The following BTG1 variants were observed in gnomAD, a reference collection of about 807,000 sequenced individuals.
BTG1 encodes BTG anti-proliferation factor 1, also known as protein BTG1.
BTG1 carries 2 observed loss-of-function variants against 15.2 expected under a neutral mutation model. The observed-to-expected ratio is 0.13, with a 90% CI of 0.05 to 0.41. The LOEUF is 0.41. Among genes scored for constraint, BTG1 ranks in the 10% least tolerant of loss-of-function variants. The probability of loss-of-function intolerance (pLI) is 0.99; values close to 1 mark genes in which losing one functional copy is unlikely to be tolerated. For missense variants in BTG1, 149 were observed against 215.0 expected (o/e 0.69, Z 1.92); for synonymous variants, 109 against 82.4 (o/e 1.32, Z -1.75).
rs374718903 is a variant in BTG1 at position 92,144,050 on chromosome 12, T to A, written c.*30A>T. On this transcript the variant is annotated 3_prime_UTR_variant, in exon 2 of 2. Transcript: ENST00000256015. ...AAGCAAAAATCAAATTTATCCATCA[T>A]CATCAGATGATCCATCCACAGACTA... 76 of 1,602,638 alleles carry A rather than the reference T, an allele frequency of 4.7e-5. No homozygotes were observed. The highest frequency in any genetic ancestry group is 6.0e-5 in the Non-Finnish European group (71 of 1,177,750).
Position 92,142,237 on chromosome 12 carries a change from A to C in BTG1, c.*1843T>G, listed in dbSNP as rs1341832485. 4.3e-6 allele frequency: 1 copy of C among 231,560 alleles called. No individual in the cohort carries two copies. The highest frequency in any genetic ancestry group is 6.1e-5 in the East Asian group (1 of 16,280). The allele number at this position is 231,560 out of a possible 1,614,324, so 14.3% of individuals were successfully genotyped here. ...GTTGTCTACAAAATCAGAATAATTT[A>C]TTCCTGGGTGTAGAAATAACTTCTT... On this transcript the variant is annotated 3_prime_UTR_variant, in exon 2 of 2. Coordinates refer to ENST00000256015, the MANE Select transcript of BTG1 (RefSeq NM_001731.3).
Position 92,140,997 on chromosome 12 carries a change from G to A in BTG1, c.*3083C>T, listed in dbSNP as rs1423695518. ...TATCATACCTCTCTTCTGTAAAGAG[G>A]AAGAAGAGAGAGTATCAGAAATGTT... is the stretch of plus-strand genomic sequence containing the variant. On this transcript the variant is annotated 3_prime_UTR_variant, in exon 2 of 2. Coordinates refer to ENST00000256015, the MANE Select transcript of BTG1 (RefSeq NM_001731.3). 4.3e-6 allele frequency: 1 copy of A among 232,672 alleles called. No homozygotes were observed. Among genetic ancestry groups the A allele is most frequent in the Non-Finnish European group, 8.5e-6 (1 of 117,776 alleles). The allele number at this position is 232,672 out of a possible 1,614,324, so 14.4% of individuals were successfully genotyped here. A position where few individuals can be genotyped will look rare whatever the true frequency, so the allele number is the denominator to read the frequency against.
At position 92,144,066 on chromosome 12, in the gene BTG1, CCA is replaced by C; in HGVS notation, c.*12_*13del. The C allele has an allele frequency of 1.2e-6, 2 of 1,609,714 alleles. No homozygotes were observed. The highest frequency in any genetic ancestry group is 1.7e-6 in the Non-Finnish European group (2 of 1,179,474). ...TATCCATCATCATCAGATGATCCAT[CCA>C]CAGACTATATCTTAACCTGATACAG... On this transcript the variant is annotated 3_prime_UTR_variant, in exon 2 of 2. Coordinates refer to ENST00000256015, the MANE Select transcript of BTG1 (RefSeq NM_001731.3).
At chr12:92,144,564 A>T in intron 1 of BTG1, 117 bp from the exon 2 acceptor site, 1 of 1,370,682 alleles carries the variant, frequency 7.3e-7, no homozygotes, top group Non-Finnish European at 1.0e-6. Context: ...ACTTTTTAAA[A>T]TGTCCAGGAT....
rs1870262017 is a variant in BTG1 at position 92,141,971 on chromosome 12, T to A, written c.*2109A>T. On this transcript the variant is annotated 3_prime_UTR_variant, in exon 2 of 2. Transcript: ENST00000256015. ...ATGAAATGTAGTTGGTAAACAACAGTAGTCAGCACTGGGGTGAGACCCATT... is the reference window on the plus strand; with the variant it reads ...ATGAAATGTAGTTGGTAAACAACAGAAGTCAGCACTGGGGTGAGACCCATT... 1 of 231,978 alleles carries A rather than the reference T, an allele frequency of 4.3e-6. No homozygotes were observed. The highest frequency in any genetic ancestry group is 8.5e-6 in the Non-Finnish European group (1 of 117,326). The allele number at this position is 231,978 out of a possible 1,614,324, so 14.4% of individuals were successfully genotyped here.
chr12:92,145,236 T>C (rs1469801420), intron 1 of BTG1, 152 bp downstream of exon 1: 4 of 1,203,312 alleles, frequency 3.3e-6, no homozygotes, highest in Non-Finnish European at 4.3e-6. Context: ...GAACCGCTGT[T>C]AGCGGCCACC....
In BTG1 at chr12:92,143,156, TAGAG is replaced by T. The variant is rs529355526; in HGVS notation, c.*920_*923del. ...TGCCAAGATAAGAAACGATTTATTA[TAGAG>T]AGAAGAAAAATTTCTCATCCAAAAT... On this transcript the variant is annotated 3_prime_UTR_variant, in exon 2 of 2. Transcript: ENST00000256015. 2.1e-5 allele frequency: 5 copies of T among 232,754 alleles called. No homozygotes were observed. The highest frequency in any genetic ancestry group is 6.1e-5 in the East Asian group (1 of 16,380). 14.4% of individuals were successfully genotyped at this position (232,754 alleles called of 1,614,324 possible).
Position 92,145,488 on chromosome 12 carries a change from G to C in BTG1, c.48C>G (p.Ala16=), listed in dbSNP as rs779919245. ...TRAATMIGEI[A]AAVSFISKFL... is the part of the protein sequence containing the mutation. The stretch of plus-strand genomic sequence containing the variant: ...ACTTGGAGATGAAGGACACGGCGGC[G>C]GCGATCTCGCCTATCATGGTGGCGG... Residue 16 remains alanine, a synonymous_variant, in exon 1 of 2, where the codon GCC becomes GCG. Coordinates refer to ENST00000256015, the MANE Select transcript of BTG1 (RefSeq NM_001731.3). 1.3e-6 allele frequency: 2 copies of C among 1,587,518 alleles called. No homozygotes were observed. Among genetic ancestry groups the C allele is most frequent in the Admixed American group, 1.7e-5 (1 of 57,570 alleles).
rs2136950178 is a variant in BTG1, at chr12:92,145,556, GC to G, written c.-22del. 1.4e-6 allele frequency: 2 copies of G among 1,392,848 alleles called. No individual in the cohort carries two copies. The highest frequency in any genetic ancestry group is 5.7e-5 in the East Asian group (2 of 35,358). The allele number at this position is 1,392,848 out of a possible 1,614,324, so 86.3% of individuals were successfully genotyped here. A position where few individuals can be genotyped will look rare whatever the true frequency, so the allele number is the denominator to read the frequency against. On this transcript the variant is annotated 5_prime_UTR_variant, in exon 1 of 2. Transcript: ENST00000256015. ...TGCATGGGGGCGGCGTGCGGGGGCG[GC>G]CCGGGGCGGCTGGGGCTCGGCGGCG...
rs1360378328 is a variant in BTG1 at position 92,144,145 on chromosome 12, C to T, written c.451G>A (p.Glu151Lys). ...CTCGTTCTGCCCAAGAGAAGTTCCT[C>T]CTTACAGCTGATTCGGCTGTCTACC... ...QMVDSRISCK[E>K]ELLLGRTSPS... Residue 151 changes from glutamate to lysine, a missense_variant, in exon 2 of 2, where the codon GAG (glutamate) becomes AAG (lysine). Glu to Lys is a moderately conservative substitution (Grantham distance 56). This residue lies in a region of BTG1 where 52 missense variants were observed against 57.4 expected (regional missense o/e 0.91). Coordinates refer to ENST00000256015, the MANE Select transcript of BTG1 (RefSeq NM_001731.3). 2 of 1,614,010 alleles carry T rather than the reference C, an allele frequency of 1.2e-6. No homozygotes were observed. Among genetic ancestry groups the T allele is most frequent in the South Asian group, 2.2e-5 (2 of 91,082 alleles).
chr12:92,145,137 T>G, intron 1 of BTG1: 1 of 398,844 alleles, frequency 2.5e-6, no homozygotes, highest in Non-Finnish European at 4.1e-6. Context: ...GGGCTTAAGT[T>G]TCTTTGTTGT....
rs371857371 is a variant in BTG1, at chr12:92,144,242, A to G, written c.354T>C (p.Asp118=). The G allele has an allele frequency of 8.7e-6, 14 of 1,614,086 alleles. No individual in the cohort carries two copies. Among genetic ancestry groups the G allele is most frequent in the South Asian group, 2.2e-5 (2 of 91,092 alleles). ...CTTCATACAGCACACAGATGGAGCCATCCTCTCCAATTCTGTAGGACACTT... is the reference window on the plus strand; with the variant it reads ...CTTCATACAGCACACAGATGGAGCCGTCCTCTCCAATTCTGTAGGACACTT... ...PYEVSYRIGE[D]GSICVLYEAS... is the part of the protein sequence containing the mutation. Residue 118 remains aspartate (D), a synonymous_variant, in exon 2 of 2, where the codon GAT becomes GAC. Coordinates refer to ENST00000256015, the MANE Select transcript of BTG1 (RefSeq NM_001731.3).
chr12:92,143,681 G>A lies in BTG1; in HGVS notation c.*399C>T, dbSNP rs1870397161. On this transcript the variant is annotated 3_prime_UTR_variant, in exon 2 of 2. Transcript: ENST00000256015. ...CTTTCCTATTAAAAGCTGCCGAAAAGGTTAACAATAACAACTTTCAAGTGT... is the reference window on the plus strand; with the variant it reads ...CTTTCCTATTAAAAGCTGCCGAAAAAGTTAACAATAACAACTTTCAAGTGT... 1 of 260,638 alleles carries A rather than the reference G, an allele frequency of 3.8e-6. No homozygotes were observed. The highest frequency in any genetic ancestry group is 1.0e-4 in the South Asian group (1 of 9,982). 16.1% of individuals were successfully genotyped at this position (260,638 alleles called of 1,614,324 possible).
rs997713016 is a variant in BTG1, at chr12:92,142,352, A to G, written c.*1728T>C. 4.4e-6 allele frequency: 1 copy of G among 228,756 alleles called. No homozygotes were observed. The highest frequency in any genetic ancestry group is 8.7e-6 in the Non-Finnish European group (1 of 115,368). The allele number at this position is 228,756 out of a possible 1,614,324, so 14.2% of individuals were successfully genotyped here. Reference sequence around the variant, plus strand: ...GTGTCAACATGTTTACATATATACCAAAAAAAGGCCACTATATGTTAACTG... The same window carrying G: ...GTGTCAACATGTTTACATATATACCGAAAAAAGGCCACTATATGTTAACTG... On this transcript the variant is annotated 3_prime_UTR_variant, in exon 2 of 2. Coordinates refer to ENST00000256015, the MANE Select transcript of BTG1 (RefSeq NM_001731.3).
At position 92,142,561 on chromosome 12, in the gene BTG1, G is replaced by T. The variant is rs1030575777; in HGVS notation, c.*1519C>A. On this transcript the variant is annotated 3_prime_UTR_variant, in exon 2 of 2. Coordinates refer to ENST00000256015, the MANE Select transcript of BTG1 (RefSeq NM_001731.3). ...TAAAAGTCTGAAAATGAGGAATCGAGAAAGTCAGCATTTCAACTTTTGAGA... is the reference window on the plus strand; with the variant it reads ...TAAAAGTCTGAAAATGAGGAATCGATAAAGTCAGCATTTCAACTTTTGAGA... The T allele has an allele frequency of 3.4e-5, 8 of 232,750 alleles. No homozygotes were observed. Among genetic ancestry groups the T allele is most frequent in the African/African-American group, 1.8e-4 (8 of 45,428 alleles). 14.4% of individuals were successfully genotyped at this position (232,750 alleles called of 1,614,324 possible). A position where few individuals can be genotyped will look rare whatever the true frequency, so the allele number is the denominator to read the frequency against.
Position 92,142,086 on chromosome 12 carries a change from T to TA in BTG1, c.*1993dup. On this transcript the variant is annotated 3_prime_UTR_variant, in exon 2 of 2. Transcript: ENST00000256015. ...CAGAATAGGTTTAAAAATAAAACCA[T>TA]AACAATTGGCAAGGGTAGTCCATGT... The TA allele has an allele frequency of 4.3e-6, 1 of 231,910 alleles. No homozygotes were observed. The allele number at this position is 231,910 out of a possible 1,614,324, so 14.4% of individuals were successfully genotyped here.
At chr12:92,145,215 A>C in intron 1 of BTG1, 173 bp downstream of exon 1, 1 of 1,060,696 alleles carries the variant, frequency 9.4e-7, no homozygotes, top group Non-Finnish European at 1.2e-6. Flanking sequence ...CAGCCCCTAA[A>C]GCCTCGCGGG....
At chr12:92,145,328 G>A (rs1870513004) in intron 1 of BTG1, 60 bp downstream of exon 1, 2 of 1,428,884 alleles carry the variant, frequency 1.4e-6, no homozygotes, top group Non-Finnish European at 9.2e-7. Context: ...AGCCCCGACG[G>A]CCGGACTCTG....
At chr12:92,145,335 T>C (rs966768150) in intron 1 of BTG1, 53 bp downstream of exon 1, 29 of 1,459,594 alleles carry the variant, frequency 2.0e-5, no homozygotes, top group Non-Finnish European at 2.5e-5. Flanking sequence ...ACGGCCGGAC[T>C]CTGACCCAGG....
Sources: allele counts gnomAD v4.1 joint callset, GRCh38; gene constraint gnomAD v4.1.1; regional missense constraint gnomAD v4.1.1; transcripts MANE v1.5; gene names NCBI Gene and HGNC (gene_info 2026-07-23, HGNC 2026-07-21).